The following VPS45 variants were observed in gnomAD, a reference collection of about 807,000 sequenced individuals.
The protein encoded by VPS45 is vacuolar protein sorting 45 homolog, also known as vacuolar protein sorting-associated protein 45.
In VPS45, 35 loss-of-function variants were observed where a neutral mutation model predicts 75.9. The ratio of observed to expected loss-of-function variants is 0.46; its 90% confidence interval spans 0.35 to 0.61. The LOEUF (loss-of-function observed/expected upper bound fraction) is 0.61. Among genes scored for constraint, VPS45 ranks in the 20% least tolerant of loss-of-function variants. VPS45 has a pLI of 0.00. For missense variants in VPS45, 559 were observed against 685.9 expected (o/e 0.81, Z 2.07); for synonymous variants, 220 against 238.2 (o/e 0.92, Z 0.70).
At chr1:150,108,475 G>C (rs1174002693) in intron 13 of VPS45, among the ~76,000 whole-genome samples, 4 of 152,112 alleles carry the variant, frequency 2.6e-5, no homozygotes, top group Admixed American at 1.3e-4. Context: ...ATACTGAATG[G>C]AACAGATGGA....
At chr1:150,099,007 G>C (rs1656818876) in intron 13 of VPS45, 2 of 1,102,828 alleles carry the variant, frequency 1.8e-6, no homozygotes, top group South Asian at 4.3e-5. Flanking sequence ...CTTATTTTTT[G>C]TTTCTGTGAA....
At chr1:150,094,507 C>G (rs919973532) in intron 13 of VPS45, among the ~76,000 whole-genome samples, 1 of 149,050 alleles carries the variant, frequency 6.7e-6, no homozygotes, top group Non-Finnish European at 1.5e-5. Context: ...TTCACTTTGT[C>G]CTTTAAAAAA....
chr1:150,139,457 C>G (rs1206195500), intron 14 of VPS45, among the ~76,000 whole-genome samples: 1 of 152,118 alleles, frequency 6.6e-6, no homozygotes, highest in Non-Finnish European at 1.5e-5. Flanking sequence ...GGGAGGCCTT[C>G]CTTGGGTACT....
intron 14 of VPS45, among the ~76,000 whole-genome samples, chr1:150,140,659 T>C (rs894953587): frequency 3.9e-5 from 6 of 152,174 alleles, no homozygotes; most frequent in Admixed American, 2.6e-4. Context: ...CAGTAAATAT[T>C]TGTTGATCAA....
intron 13 of VPS45, chr1:150,099,051 C>A: frequency 2.7e-6 from 3 of 1,101,410 alleles, no homozygotes; most frequent in Non-Finnish European, 3.3e-6. Flanking sequence ...TTTTTTCCTG[C>A]AGTAAATGCT....
At chr1:150,078,884 T>C (rs1356752606) in intron 7 of VPS45, among the ~76,000 whole-genome samples, 1 of 151,794 alleles carries the variant, frequency 6.6e-6, no homozygotes, top group Non-Finnish European at 1.5e-5. Flanking sequence ...TCGAGGTGGG[T>C]AGATCACCTG....
chr1:150,082,995 G>A (rs929485945), intron 10 of VPS45, 112 bp downstream of exon 10: 2 of 1,036,326 alleles, frequency 1.9e-6, no homozygotes, highest in Non-Finnish European at 2.7e-6. Flanking sequence ...GTCCAACAAG[G>A]AGCTGACATG....
At chr1:150,076,464 C>A in intron 4 of VPS45, 152 bp downstream of exon 4, 1 of 533,832 alleles carries the variant, frequency 1.9e-6, no homozygotes, top group Non-Finnish European at 3.2e-6. Context: ...ATATTGTTTT[C>A]AGAGGCAGCA....
chr1:150,117,093 C>G (rs1553808485), intron 14 of VPS45, among the ~76,000 whole-genome samples: 1 of 151,936 alleles, frequency 6.6e-6, no homozygotes, highest in African/African-American at 2.4e-5. Context: ...CCCAGCTACT[C>G]AGGAGGCTGA....
At position 150,092,395 on chromosome 1, in the gene VPS45, C is replaced by G. The variant is rs1656379211; in HGVS notation, c.1357C>G (p.Leu453Val). 1.2e-6 allele frequency: 2 copies of G among 1,613,924 alleles called. No homozygotes were observed. The highest frequency in any genetic ancestry group is 1.7e-6 in the Non-Finnish European group (2 of 1,179,994). ...TGCTGTGGCTATCACCAAACAATTC[C>G]TCAAAGGACTGAAGGTATAGACATC... ...KDAVAITKQF[L>V]KGLKGVENVY... The change falls in exon 12 of 15, where the codon CTC becomes GTC. Residue 453 changes from leucine (L) to valine (V), a missense_variant. Physicochemically the swap from Leu to Val is conservative, Grantham distance 32. Coordinates refer to ENST00000644510, the MANE Select transcript of VPS45 (RefSeq NM_007259.5).
intron 13 of VPS45, among the ~76,000 whole-genome samples, chr1:150,105,986 A>G (rs2101598862): frequency 6.6e-6 from 1 of 152,328 alleles, no homozygotes; most frequent in South Asian, 2.1e-4. Flanking sequence ...AATAAAGTCG[A>G]TAAAAATAAA....
intron 14 of VPS45, among the ~76,000 whole-genome samples, chr1:150,129,284 A>G (rs1251769295): frequency 1.3e-5 from 2 of 152,196 alleles, no homozygotes; most frequent in Non-Finnish European, 2.9e-5. Context: ...CCCAGGATTC[A>G]AATTTAGGCA....
At chr1:150,129,583 G>A (rs1189475418) in intron 14 of VPS45, among the ~76,000 whole-genome samples, 7 of 151,400 alleles carry the variant, frequency 4.6e-5, no homozygotes, top group Non-Finnish European at 7.4e-5. Flanking sequence ...TATTTGAGAC[G>A]GAGTCTTGCT....
At chr1:150,077,268 G>C (rs41264041) in intron 6 of VPS45, 37 bp downstream of exon 6, 1 of 1,590,320 alleles carries the variant, frequency 6.3e-7, no homozygotes. Flanking sequence ...AAAACATAAA[G>C]GCCATTCATT....
intron 12 of VPS45, 118 bp downstream of exon 12, chr1:150,092,527 C>A: frequency 1.3e-6 from 1 of 780,758 alleles, no homozygotes; most frequent in Non-Finnish European, 1.9e-6. Context: ...AGTACTGTGT[C>A]AGTTAAATGA....
chr1:150,105,862 A>G (rs1450975051), intron 13 of VPS45, among the ~76,000 whole-genome samples: 1 of 152,190 alleles, frequency 6.6e-6, no homozygotes, highest in African/African-American at 2.4e-5. Context: ...ATTATATTAT[A>G]AGGCTACAGT....
chr1:150,115,935 A>G (rs868982168), intron 14 of VPS45, among the ~76,000 whole-genome samples: 2 of 152,324 alleles, frequency 1.3e-5, no homozygotes, highest in Middle Eastern at 3.4e-3. Flanking sequence ...GCATCAGTTT[A>G]TACTTATCAA....
At chr1:150,104,277 A>G (rs1300353860) in intron 13 of VPS45, among the ~76,000 whole-genome samples, 2 of 152,006 alleles carry the variant, frequency 1.3e-5, no homozygotes, top group Non-Finnish European at 2.9e-5. Flanking sequence ...AGAATATGCT[A>G]TATTTGATTT....
rs587718622 is a variant in VPS45 at position 150,118,445 on chromosome 1, G to A, written c.1625+7818G>A. Among the ~76,000 whole-genome samples, 20 of 151,602 alleles carry A rather than the reference G, an allele frequency of 1.3e-4. No individual in the cohort carries two copies. The East Asian group carries it at 1.4e-3, about 10-fold the overall frequency. On this transcript the variant is annotated intron_variant, in intron 14 of 14. Transcript: ENST00000644510. ...TTTGGGGACGGAGTCTTGCTCTGTC[G>A]CCCAGGCTGGAGTGCAGTGGTTTGA... is the stretch of plus-strand genomic sequence containing the variant.
Sources: gnomAD v4.1 joint callset for allele counts (sites outside exome capture counted in the v4.1 genomes callset) on GRCh38, gnomAD v4.1.1 for gene constraint, MANE v1.5 for transcripts, NCBI Gene and HGNC (gene_info 2026-07-23, HGNC 2026-07-21) for gene names.